The following MRPL4 variants were observed in gnomAD, a reference collection of about 807,000 sequenced individuals.
MRPL4 encodes large ribosomal subunit protein uL4m.
A neutral mutation model predicts 34.1 loss-of-function variants in MRPL4; 34 were observed. The ratio of observed to expected loss-of-function variants is 1.00; its 90% CI spans 0.76 to 1.33. The LOEUF (loss-of-function observed/expected upper bound fraction) is 1.33, where lower values mean the gene tolerates loss of function less well. MRPL4 is among the 40% of genes most tolerant of loss of function. The pLI is 0.00. For missense variants in MRPL4, 402 were observed against 434.6 expected, an observed-to-expected ratio of 0.92 and a Z score of 0.67; for synonymous variants, 196 against 188.3, an observed-to-expected ratio of 1.04 and a Z score of -0.33.
At chr19:10,258,363 G>T (rs1228687043) in intron 6 of MRPL4, 35 bp downstream of exon 6, 2 of 1,613,554 alleles carry the variant, frequency 1.2e-6, no homozygotes, top group East Asian at 4.5e-5. Flanking sequence ...AGCTGCTAGA[G>T]GTGGGGCTGC....
rs752913855 is a variant in MRPL4 at position 10,252,696 on chromosome 19, G to C, written c.270G>C (p.Ala90=). 7 of 1,601,490 alleles carry C rather than the reference G, an allele frequency of 4.4e-6. No homozygotes were observed. Among genetic ancestry groups the C allele is most frequent in the Non-Finnish European group, 4.2e-6 (5 of 1,179,484 alleles). Residue 90 remains alanine (A), a synonymous_variant, in exon 3 of 9, where the codon GCG becomes GCC. Coordinates refer to ENST00000253099, the MANE Select transcript of MRPL4 (RefSeq NM_015956.3). ...TGCACCCCGATGTTTTCGCCACCGC[G>C]CCCAGGTGAGCGAGGGCTGTAATGG... The part of the protein sequence containing the change: ...ADLHPDVFAT[A]PRLDILHQVA...
In MRPL4 at chr19:10,259,781, C is replaced by T; in HGVS notation, c.904C>T (p.Gln302Ter). The change falls in exon 9 of 9, where the codon CAG becomes TAG. Residue 302 changes from glutamine to a stop codon, truncating the protein, a stop_gained. Coordinates refer to ENST00000253099, the MANE Select transcript of MRPL4 (RefSeq NM_015956.3). LOFTEE classifies it low-confidence loss of function (END_TRUNC). ...DFPRPLPHAT[Q>*]GPAATPYHC is the part of the protein sequence containing the mutation. ...CCCCCGACCCCTACCCCACGCTACC[C>T]AGGGCCCAGCGGCCACCCCGTACCA... 6.2e-7 allele frequency: 1 copy of T among 1,613,562 alleles called. No homozygotes were observed. Among genetic ancestry groups the T allele is most frequent in the Middle Eastern group, 1.6e-4 (1 of 6,062 alleles).
intron 4 of MRPL4, 158 bp downstream of exon 4, chr19:10,254,798 CT>C (rs1216190371): frequency 9.6e-5 from 60 of 625,928 alleles, no homozygotes; most frequent in East Asian, 1.6e-4. Flanking sequence ...TTTTGGTTCT[CT>C]TTTTTTTGTT....
rs1353546320 is a variant in MRPL4 at position 10,254,575 on chromosome 19, C to T, written c.276-14C>T. 1.9e-6 allele frequency: 3 copies of T among 1,613,270 alleles called. No homozygotes were observed. The highest frequency in any genetic ancestry group is 2.5e-6 in the Non-Finnish European group (3 of 1,179,520). On this transcript the variant is annotated splice_polypyrimidine_tract_variant and intron_variant, in intron 3 of 8. Transcript: ENST00000253099. ...AGCAGAGTTGGGCTTCTCATGTGTC[C>T]TTCCTCCCCGCAGGCTGGACATACT...
At chr19:10,254,992 T>G (rs1208566246) in intron 4 of MRPL4, 1 of 161,676 alleles carries the variant, frequency 6.2e-6, no homozygotes, top group Non-Finnish European at 1.4e-5. Context: ...TTAGTAGAGA[T>G]GGAGTTTCAC....
rs17000211 is a variant in MRPL4, at chr19:10,258,410, C to G, written c.553-3C>G. 3.7e-6 allele frequency: 6 copies of G among 1,613,764 alleles called. No individual in the cohort carries two copies. The highest frequency in any genetic ancestry group is 5.1e-6 in the Non-Finnish European group (6 of 1,179,900). ...GGTTCAAACCATCCTTTCCTTCCACCAGGACGACCTGCACATCATGGACTC... is the reference window on the plus strand; with the variant it reads ...GGTTCAAACCATCCTTTCCTTCCACGAGGACGACCTGCACATCATGGACTC... On this transcript the variant is annotated splice_polypyrimidine_tract_variant and splice_region_variant and intron_variant, in intron 6 of 8. Coordinates refer to ENST00000253099, the MANE Select transcript of MRPL4 (RefSeq NM_015956.3).
intron 8 of MRPL4, chr19:10,259,017 T>G: frequency 7.1e-7 from 1 of 1,398,916 alleles, no homozygotes; most frequent in Non-Finnish European, 9.2e-7. Flanking sequence ...GCGGATAGCT[T>G]GAGCTCAGGG....
At chr19:10,256,866 G>GGGGGGGGCC in intron 5 of MRPL4, 41 bp downstream of exon 5, 3 of 378,370 alleles carry the variant, frequency 7.9e-6, no homozygotes, top group East Asian at 6.2e-5. Context: ...GGGTGGGGGG[G>GGGGGGGGCC]CCAGGGAAGG....
rs528482130 is a variant in MRPL4 at position 10,252,614 on chromosome 19, A to T, written c.188A>T (p.Gln63Leu). ...GTACCCACTCATCGACGCCCAGTGC[A>T]GGCCTGGGTCGAGTCCTTGCGGGGC... The part of the protein sequence containing the change: ...LPVPTHRRPV[Q>L]AWVESLRGFE... Residue 63 changes from glutamine to leucine, a missense_variant, in exon 3 of 9, where the codon CAG (glutamine) becomes CTG (leucine). Gln to Leu is a moderately radical substitution (Grantham distance 113). Transcript: ENST00000253099. The T allele has an allele frequency of 1.9e-6, 3 of 1,612,422 alleles. No individual in the cohort carries two copies. In the South Asian group the frequency reaches 3.3e-5, roughly 18 times the overall value.
intron 4 of MRPL4, 107 bp downstream of exon 4, chr19:10,254,747 G>A: frequency 8.4e-7 from 1 of 1,189,438 alleles, no homozygotes; most frequent in Admixed American, 2.0e-5. Context: ...TGCTCGGCTG[G>A]GGCCTCATCT....
chr19:10,252,645 G>GC lies in MRPL4; in HGVS notation c.220dup (p.Gln74ProfsTer37). 2 of 1,609,614 alleles carry GC rather than the reference G, an allele frequency of 1.2e-6. No individual in the cohort carries two copies. The highest frequency in any genetic ancestry group is 1.7e-6 in the Non-Finnish European group (2 of 1,179,896). On this transcript the variant is annotated frameshift_variant, in exon 3 of 9. Transcript: ENST00000253099. LOFTEE classifies it high-confidence loss of function. ...GGGTCGAGTCCTTGCGGGGCTTCGA[G>GC]CAGGAGCGCGTGGGCCTGGCCGACC...
Position 10,259,797 on chromosome 19 carries a change from C to G in MRPL4, c.920C>G (p.Thr307Ser), listed in dbSNP as rs144195512. ...LPHATQGPAA[T>S]PYHC Reference sequence around the variant, plus strand: ...CACGCTACCCAGGGCCCAGCGGCCACCCCGTACCACTGTTGATGTGAAGCA... The same window carrying G: ...CACGCTACCCAGGGCCCAGCGGCCAGCCCGTACCACTGTTGATGTGAAGCA... The change falls in exon 9 of 9, where the codon ACC (threonine) becomes AGC (serine). Residue 307 changes from threonine (T) to serine (S), a missense_variant. Transcript: ENST00000253099. 5.0e-4 allele frequency: 813 copies of G among 1,610,604 alleles called. No homozygotes were observed. Among genetic ancestry groups the G allele is most frequent in the Admixed American group, 6.5e-4 (39 of 59,670 alleles).
chr19:10,256,340 G>C (rs552079757), intron 4 of MRPL4, among the ~76,000 whole-genome samples: 1 of 152,096 alleles, frequency 6.6e-6, no homozygotes, highest in African/African-American at 2.4e-5. Flanking sequence ...CAGCTACTAG[G>C]GAGGCTGAGG....
intron 4 of MRPL4, 28 bp downstream of exon 4, chr19:10,254,668 G>A (rs1187686601): frequency 1.2e-6 from 2 of 1,613,366 alleles, no homozygotes; most frequent in South Asian, 1.1e-5. Context: ...GCAAGGTGGT[G>A]GGAAGGAGCT....
chr19:10,253,881 G>T (rs2039823669), intron 3 of MRPL4, among the ~76,000 whole-genome samples: 1 of 152,170 alleles, frequency 6.6e-6, no homozygotes, highest in Non-Finnish European at 1.5e-5. Context: ...TGGGGCACTG[G>T]CCATGTTTCA....
At position 10,252,602 on chromosome 19, in the gene MRPL4, G is replaced by T; in HGVS notation, c.176G>T (p.Arg59Leu). Residue 59 changes from arginine (R) to leucine (L), a missense_variant, in exon 3 of 9, where the codon CGA (arginine) becomes CTA (leucine). Arg to Leu is a moderately radical substitution (Grantham distance 102, BLOSUM62 -2). Transcript: ENST00000253099. ...RKVELPVPTH[R>L]RPVQAWVESL... ...GTCGAGCTCCCGGTACCCACTCATC[G>T]ACGCCCAGTGCAGGCCTGGGTCGAG... 1 of 1,612,768 alleles carries T rather than the reference G, an allele frequency of 6.2e-7. No individual in the cohort carries two copies. Among genetic ancestry groups the T allele is most frequent in the Non-Finnish European group, 8.5e-7 (1 of 1,179,832 alleles).
Position 10,254,533 on chromosome 19 carries a change from G to A in MRPL4, c.276-56G>A, listed in dbSNP as rs1002421837. ...GGAGAATCCTGGGTTTTCCTATAGT[G>A]GGGTGGGAGCGTTTGAAGCAGAGTT... On this transcript the variant is annotated intron_variant, in intron 3 of 8. Transcript: ENST00000253099. 51 of 1,599,114 alleles carry A rather than the reference G, an allele frequency of 3.2e-5. No individual in the cohort carries two copies. In the Admixed American group the frequency reaches 8.4e-4, roughly 26 times the overall value.
intron 8 of MRPL4, chr19:10,258,924 G>T: frequency 8.4e-6 from 12 of 1,435,774 alleles, no homozygotes; most frequent in African/African-American, 1.4e-5. Flanking sequence ...GCAATATAGT[G>T]AGGCTCCCAT....
intron 8 of MRPL4, 30 bp from the exon 9 acceptor site, chr19:10,259,586 GC>G (rs751334496): frequency 5.5e-6 from 8 of 1,461,466 alleles, no homozygotes; most frequent in South Asian, 1.4e-5. Context: ...GGCCTGACCG[GC>G]CCCCCGCCCC....
Sources: gnomAD v4.1 joint callset for allele counts (sites outside exome capture counted in the v4.1 genomes callset) on GRCh38, gnomAD v4.1.1 for gene constraint, MANE v1.5 for transcripts, NCBI Gene and HGNC (gene_info 2026-07-23, HGNC 2026-07-21) for gene names.